The following ITPR2 variants were observed in gnomAD, a reference collection of about 807,000 sequenced individuals.
ITPR2 encodes inositol 1,4,5-trisphosphate-gated calcium channel ITPR2.
In ITPR2, 207 loss-of-function variants were observed where a neutral mutation model predicts 317.1. The ratio of observed to expected loss-of-function variants is 0.65; its 90% confidence interval spans 0.58 to 0.73. The LOEUF is 0.73. Ranked by LOEUF, ITPR2 falls within the 30% of genes least tolerant of loss-of-function variation. The probability of loss-of-function intolerance (pLI) is 0.00; values close to 1 mark genes in which losing one functional copy is unlikely to be tolerated. For missense variants in ITPR2, 2,613 were observed against 3,284.0 expected, an observed-to-expected ratio of 0.80 and a Z score of 4.99; for synonymous variants, 1,156 against 1,149.1, an observed-to-expected ratio of 1.01 and a Z score of -0.12.
chr12:26,539,122 C>A (rs1944187552), intron 37 of ITPR2, among the ~76,000 whole-genome samples: 1 of 152,166 alleles, frequency 6.6e-6, no homozygotes, highest in Admixed American at 6.5e-5. Context: ...AGGACCTGTT[C>A]AAACAGTATC....
At chr12:26,747,090 G>A (rs1334241172) in intron 2 of ITPR2, among the ~76,000 whole-genome samples, 1 of 152,072 alleles carries the variant, frequency 6.6e-6, no homozygotes, top group Non-Finnish European at 1.5e-5. Context: ...CTGGTTAAAC[G>A]CCACTTAGTC....
intron 28 of ITPR2, 111 bp downstream of exon 28, chr12:26,602,259 G>T: frequency 8.7e-7 from 1 of 1,154,512 alleles, no homozygotes; most frequent in Non-Finnish European, 1.2e-6. Context: ...GCACCTGGTG[G>T]GTGATTTATT....
intron 23 of ITPR2, among the ~76,000 whole-genome samples, chr12:26,625,951 T>C (rs1440416041): frequency 6.6e-6 from 1 of 152,044 alleles, no homozygotes; most frequent in Admixed American, 6.6e-5. Context: ...TAAGATAACA[T>C]GGGGCTTTTT....
chr12:26,826,170 G>A (rs2137303837), intron 1 of ITPR2, among the ~76,000 whole-genome samples: 1 of 152,184 alleles, frequency 6.6e-6, no homozygotes, highest in Middle Eastern at 3.4e-3. Context: ...GGAGGCTGAG[G>A]TGGAGGGATC....
chr12:26,812,058 G>A (rs1343574729), intron 1 of ITPR2, among the ~76,000 whole-genome samples: 2 of 150,886 alleles, frequency 1.3e-5, no homozygotes, highest in Non-Finnish European at 2.9e-5. Flanking sequence ...TGCTACTCGG[G>A]AGGCTGAGGC....
chr12:26,742,815 G>GA (rs796564571), intron 2 of ITPR2, among the ~76,000 whole-genome samples: 9,259 of 134,440 alleles, frequency 0.069, 370 homozygotes, highest in African/African-American at 0.14. Context: ...TCTGTCTTGG[G>GA]AAAAAAAAAA....
At chr12:26,550,157 A>G in intron 37 of ITPR2, 90 bp downstream of exon 37, 2 of 566,272 alleles carry the variant, frequency 3.5e-6, no homozygotes, top group South Asian at 5.1e-5. Flanking sequence ...TAATGCAAGT[A>G]ATCACGTAAT....
intron 2 of ITPR2, among the ~76,000 whole-genome samples, chr12:26,736,388 T>C (rs1056829475): frequency 1.3e-5 from 2 of 152,222 alleles, no homozygotes; most frequent in African/African-American, 4.8e-5. Context: ...GATTAAAATC[T>C]AGATTTTTTT....
At chr12:26,505,886 T>C (rs1219463338) in intron 37 of ITPR2, among the ~76,000 whole-genome samples, 5 of 152,154 alleles carry the variant, frequency 3.3e-5, no homozygotes, top group Admixed American at 2.0e-4. Context: ...GTATATCATG[T>C]CTGATAACTT....
At position 26,708,502 on chromosome 12, in the gene ITPR2, T is replaced by C. The variant is rs1592058520; in HGVS notation, c.951+2671A>G. On this transcript the variant is annotated intron_variant, in intron 9 of 56. Coordinates refer to ENST00000381340, the MANE Select transcript of ITPR2 (RefSeq NM_002223.4). The stretch of plus-strand genomic sequence containing the variant: ...TAAGTGAAATAAGCCAGGCACAGAA[T>C]GACAAATTTCACATGTTCTCACTCA... Among the ~76,000 whole-genome samples, 7 of 152,122 alleles carry C rather than the reference T, an allele frequency of 4.6e-5. 1 individual carries two copies. The South Asian group carries it at 1.5e-3, about 32-fold the overall frequency.
intron 52 of ITPR2, among the ~76,000 whole-genome samples, chr12:26,408,891 CAT>C (rs1940446939): frequency 6.6e-6 from 1 of 152,054 alleles, no homozygotes; most frequent in South Asian, 2.1e-4. Context: ...AACTTTTTAA[CAT>C]ATTATTTTTC....
At chr12:26,579,745 T>C (rs1383618737) in intron 33 of ITPR2, among the ~76,000 whole-genome samples, 2 of 152,172 alleles carry the variant, frequency 1.3e-5, no homozygotes, top group Non-Finnish European at 2.9e-5. Context: ...GTCTATCATT[T>C]AAAGAATTAA....
At chr12:26,640,603 G>A (rs1323442256) in intron 21 of ITPR2, among the ~76,000 whole-genome samples, 1 of 152,024 alleles carries the variant, frequency 6.6e-6, no homozygotes. Flanking sequence ...GATACTCTCA[G>A]TCAATAAATC....
At chr12:26,495,405 C>A in intron 37 of ITPR2, 145 bp from the exon 38 acceptor site, 3 of 544,158 alleles carry the variant, frequency 5.5e-6, no homozygotes, top group Non-Finnish European at 9.8e-6. Context: ...TTTTCTGAGG[C>A]AAAAATTTAC....
chr12:26,649,436 G>C (rs7977916), intron 21 of ITPR2: 1 of 151,998 alleles, frequency 6.6e-6, no homozygotes, highest in Non-Finnish European at 1.5e-5. Flanking sequence ...TTTTCAAATT[G>C]TATCACTTGT....
At chr12:26,551,153 A>T (rs752405747) in intron 36 of ITPR2, among the ~76,000 whole-genome samples, 21 of 152,296 alleles carry the variant, frequency 1.4e-4, no homozygotes, top group Non-Finnish European at 8.8e-5. Flanking sequence ...ACCCTGTAAG[A>T]TGTCTTCCTT....
intron 1 of ITPR2, among the ~76,000 whole-genome samples, chr12:26,805,804 G>A (rs1023618227): frequency 6.9e-5 from 9 of 130,930 alleles, no homozygotes; most frequent in Admixed American, 6.2e-4. Flanking sequence ...CCAGGAAGGA[G>A]GTAAGTGATT....
chr12:26,381,657 G>T (rs1205283147), intron 55 of ITPR2, among the ~76,000 whole-genome samples: 2 of 152,224 alleles, frequency 1.3e-5, no homozygotes, highest in Non-Finnish European at 2.9e-5. Flanking sequence ...CAACACTGCT[G>T]CAATGTCAGA....
Position 26,359,127 on chromosome 12 carries a change from G to A in ITPR2, c.7858-18799C>T, listed in dbSNP as rs76687127. Among the ~76,000 whole-genome samples, 728 of 152,292 alleles carry A rather than the reference G, an allele frequency of 4.8e-3. 8 individuals are homozygous for A. The highest frequency in any genetic ancestry group is 0.017 in the African/African-American group (695 of 41,548). ...GGGCTTTACTTCCTTTGTTTCTAGA[G>A]CCTAGAACAGTGTCAGGCGCATAGC... On this transcript the variant is annotated intron_variant, in intron 55 of 56. Transcript: ENST00000381340.
Sources: allele counts gnomAD v4.1 joint callset (sites outside exome capture counted in the v4.1 genomes callset), GRCh38; gene constraint gnomAD v4.1.1; transcripts MANE v1.5; gene names NCBI Gene and HGNC (gene_info 2026-07-23, HGNC 2026-07-21).